Variants in SEMA4F observed in about 807,000 individuals in gnomAD.
The protein encoded by SEMA4F is semaphorin-4F.
SEMA4F carries 51 observed loss-of-function variants against 78.4 expected under a neutral mutation model. The observed-to-expected ratio is 0.65, with a 90% CI of 0.52 to 0.82. SEMA4F has a LOEUF of 0.82. Among genes scored for constraint, SEMA4F ranks in the 40% least tolerant of loss-of-function variants. SEMA4F has a pLI of 0.00. For missense variants in SEMA4F, 938 were observed against 1,014.4 expected, an observed-to-expected ratio of 0.92 and a Z score of 1.02; for synonymous variants, 418 against 408.7, an observed-to-expected ratio of 1.02 and a Z score of -0.27.
Position 74,674,927 on chromosome 2 carries a change from A to C in SEMA4F, c.1041A>C (p.Pro347=). ...ATISAVCAFR[P]QDIRTVLNGP... is the part of the protein sequence containing the mutation. ...TCTCTGCTGTCTGTGCCTTCCGACC[A>C]CAAGACATTCGGACAGTGCTGAATG... Residue 347 remains proline, a synonymous_variant, in exon 9 of 14, where the codon CCA becomes CCC. Transcript: ENST00000357877. 1 of 1,613,794 alleles carries C rather than the reference A, an allele frequency of 6.2e-7. No individual in the cohort carries two copies. Among genetic ancestry groups the C allele is most frequent in the South Asian group, 1.1e-5 (1 of 91,054 alleles).
At position 74,674,811 on chromosome 2, in the gene SEMA4F, G is replaced by T. The variant is rs368315068; in HGVS notation, c.1002-77G>T. 3.8e-5 allele frequency: 60 copies of T among 1,566,480 alleles called. No individual in the cohort carries two copies. The South Asian group carries it at 6.5e-4, about 17-fold the overall frequency. On this transcript the variant is annotated intron_variant, in intron 8 of 13. Transcript: ENST00000357877. ...ATGGCTCCCTGTGCGTTTCTCGGGG[G>T]TCATCTCATTTGACAAGGGATGAGT...
rs749442729 is a variant in SEMA4F at position 74,654,469 on chromosome 2, G to A, written c.93G>A (p.Pro31=). Residue 31 remains proline (P), a synonymous_variant, in exon 1 of 14, where the codon CCG becomes CCA. Coordinates refer to ENST00000357877, the MANE Select transcript of SEMA4F (RefSeq NM_004263.5). ...PLLLLAVLSG[P]VSGRVPRSVP... ...TGCTGCTGGCGGTGCTGAGCGGCCC[G>A]GTATCCGGCCGCGTCCCCCGCTCGG... The A allele has an allele frequency of 6.4e-7, 1 of 1,570,322 alleles. No individual in the cohort carries two copies. Among genetic ancestry groups the A allele is most frequent in the Non-Finnish European group, 8.6e-7 (1 of 1,162,556 alleles).
chr2:74,702,424 A>AT, the SEMA4F span, among the ~76,000 whole-genome samples: 1 of 152,180 alleles, frequency 6.6e-6, no homozygotes, highest in African/African-American at 2.4e-5. Flanking sequence ...TCAATCAGAC[A>AT]TTGTTGTTTT....
chr2:74,701,874 G>A, the SEMA4F span, among the ~76,000 whole-genome samples: 43,207 of 152,034 alleles, frequency 0.28, 9,098 homozygotes, highest in East Asian at 0.82. Context: ...AGGGTCTTGG[G>A]CAGCCTGGAA....
chr2:74,708,044 C>T, the SEMA4F span, among the ~76,000 whole-genome samples: 1 of 152,012 alleles, frequency 6.6e-6, no homozygotes, highest in Non-Finnish European at 1.5e-5. Context: ...TCCCATGATT[C>T]CTGGGGCACT....
At chr2:74,659,307 A>C (rs1230076719) in intron 4 of SEMA4F, among the ~76,000 whole-genome samples, 2 of 152,340 alleles carry the variant, frequency 1.3e-5, no homozygotes, top group African/African-American at 4.8e-5. Flanking sequence ...GCCATGGCTT[A>C]TAGACAGTGT....
chr2:74,672,734 C>T (rs1294363886), intron 5 of SEMA4F, among the ~76,000 whole-genome samples: 1 of 152,138 alleles, frequency 6.6e-6, no homozygotes, highest in African/African-American at 2.4e-5. Context: ...TGGAGCACCT[C>T]TGCCCCTCCA....
intron 1 of SEMA4F, among the ~76,000 whole-genome samples, chr2:74,655,010 T>G (rs1359678043): frequency 6.6e-6 from 1 of 152,184 alleles, no homozygotes; most frequent in East Asian, 1.9e-4. Context: ...CATTCCGATC[T>G]CCAGGTCAGC....
intron 4 of SEMA4F, among the ~76,000 whole-genome samples, chr2:74,661,827 G>A (rs1441097102): frequency 6.6e-6 from 1 of 152,176 alleles, no homozygotes; most frequent in Non-Finnish European, 1.5e-5. Context: ...GAAGTAATTA[G>A]GCTCCAATGA....
the SEMA4F span, among the ~76,000 whole-genome samples, chr2:74,696,662 A>G: frequency 6.6e-6 from 1 of 152,206 alleles, no homozygotes; most frequent in Admixed American, 6.5e-5. Flanking sequence ...AATCACCACT[A>G]AAGAACTTAC....
At chr2:74,692,413 G>T in the SEMA4F span, among the ~76,000 whole-genome samples, 4,738 of 152,250 alleles carry the variant, frequency 0.031, 214 homozygotes, top group African/African-American at 0.096. Context: ...CCAAGAGACC[G>T]GGGATGAGGT....
At chr2:74,656,123 C>T (rs1684121730) in intron 1 of SEMA4F, among the ~76,000 whole-genome samples, 1 of 151,892 alleles carries the variant, frequency 6.6e-6, no homozygotes, top group South Asian at 2.1e-4. Context: ...ATTCTCCTGC[C>T]TCAGCCTCCC....
chr2:74,664,923 A>G (rs1048901366), intron 5 of SEMA4F, among the ~76,000 whole-genome samples: 5 of 152,204 alleles, frequency 3.3e-5, no homozygotes, highest in Admixed American at 1.3e-4. Context: ...TTCCAAACAT[A>G]TAACTCTTTG....
At chr2:74,666,124 T>A (rs1684684610) in intron 5 of SEMA4F, among the ~76,000 whole-genome samples, 1 of 152,136 alleles carries the variant, frequency 6.6e-6, no homozygotes, top group Admixed American at 6.5e-5. Context: ...ATCAGGCTGG[T>A]CTCAAACTCC....
At chr2:74,666,400 A>G (rs1490809712) in intron 5 of SEMA4F, among the ~76,000 whole-genome samples, 1 of 151,654 alleles carries the variant, frequency 6.6e-6, no homozygotes. Context: ...CATTTTCAAA[A>G]AGGTTTTAAG....
intron 10 of SEMA4F, 51 bp downstream of exon 10, chr2:74,675,435 T>A: frequency 6.3e-7 from 1 of 1,595,048 alleles, no homozygotes; most frequent in Non-Finnish European, 8.6e-7. Flanking sequence ...CACATTCTCG[T>A]CACAGAGAGG....
rs902099262 is a variant in SEMA4F, at chr2:74,654,355, C to G, written c.-22C>G. 1.2e-5 allele frequency: 18 copies of G among 1,469,388 alleles called. No individual in the cohort carries two copies. The highest frequency in any genetic ancestry group is 3.0e-5 in the African/African-American group (2 of 67,756). The allele number at this position is 1,469,388 out of a possible 1,614,324, so 91.0% of individuals were successfully genotyped here. A position where few individuals can be genotyped will look rare whatever the true frequency, so the allele number is the denominator to read the frequency against. ...GCAGAGGCCGTAGCTTGCGCCGCAC[C>G]CGCGGCCAGGCGGAGCCAAAGATGC... On this transcript the variant is annotated 5_prime_UTR_variant, in exon 1 of 14. Transcript: ENST00000357877.
rs1684015844 is a variant in SEMA4F at position 74,654,537 on chromosome 2, C to T, written c.145+16C>T. ...CCAATCTCTGGTAAGGCGCGGACGCCCACGCCCTCAGCCCTTCGCGCCCAC... is the reference window on the plus strand; with the variant it reads ...CCAATCTCTGGTAAGGCGCGGACGCTCACGCCCTCAGCCCTTCGCGCCCAC... On this transcript the variant is annotated intron_variant, in intron 1 of 13. Transcript: ENST00000357877. 1.3e-6 allele frequency: 2 copies of T among 1,539,688 alleles called. No individual in the cohort carries two copies. The highest frequency in any genetic ancestry group is 2.4e-5 in the South Asian group (2 of 82,082).
chr2:74,704,197 T>C, the SEMA4F span, among the ~76,000 whole-genome samples: 249 of 151,980 alleles, frequency 1.6e-3, no homozygotes, highest in Middle Eastern at 6.8e-3. Flanking sequence ...GGGCCTTAGA[T>C]GAGTCACTAT....
Sources: allele counts gnomAD v4.1 joint callset (sites outside exome capture counted in the v4.1 genomes callset), GRCh38; gene constraint gnomAD v4.1.1; transcripts MANE v1.5; gene names NCBI Gene and HGNC (gene_info 2026-07-23, HGNC 2026-07-21).